Variants in MAP2K3 observed in about 807,000 individuals in gnomAD.
MAP2K3 encodes the protein mitogen-activated protein kinase kinase 3.
In MAP2K3, 30 loss-of-function variants were observed where a neutral mutation model predicts 46.4. That is an observed-to-expected ratio of 0.65 (90% CI 0.48 to 0.88). The LOEUF (loss-of-function observed/expected upper bound fraction) is 0.88. Among genes scored for constraint, MAP2K3 ranks in the 40% least tolerant of loss-of-function variants. The pLI is 0.00. For missense variants in MAP2K3, 380 were observed against 464.5 expected (o/e 0.82, Z 1.67); for synonymous variants, 189 against 176.3 (o/e 1.07, Z -0.57).
chr17:21,302,716 C>CAAAGGAA (rs1239408645), intron 6 of MAP2K3, among the ~76,000 whole-genome samples: 1 of 152,290 alleles, frequency 6.6e-6, no homozygotes, highest in Non-Finnish European at 1.5e-5. Context: ...TTCCAGTAGC[C>CAAAGGAA]AAAGGAAAAA....
chr17:21,311,255 T>A (rs927839721), intron 9 of MAP2K3, among the ~76,000 whole-genome samples: 60 of 152,340 alleles, frequency 3.9e-4, no homozygotes, highest in African/African-American at 1.4e-3. Context: ...GCCCTTGTGC[T>A]GGAGCCTCGG....
rs1439467768 is a variant in MAP2K3 at position 21,291,341 on chromosome 17, T to TACAACACAACACAAC, written c.49+6376_49+6377insCACAACACAACACAA. ...TAGAATACAATAGAATACAGTACAA[T>TACAACACAACACAAC]ACAATACAACACAACACAACACAAC... is the stretch of plus-strand genomic sequence containing the variant. On this transcript the variant is annotated intron_variant, in intron 1 of 11. Transcript: ENST00000342679. 590 of 93,506 alleles carry TACAACACAACACAAC rather than the reference T, an allele frequency of 6.3e-3. 7 individuals are homozygous for TACAACACAACACAAC. The highest frequency in any genetic ancestry group is 0.027 in the African/African-American group (335 of 12,348). The allele number at this position is 93,506 out of a possible 1,614,324, so 5.8% of individuals were successfully genotyped here.
chr17:21,294,522 T>C (rs1218176036), intron 1 of MAP2K3, among the ~76,000 whole-genome samples: 1 of 152,306 alleles, frequency 6.6e-6, no homozygotes. Context: ...GTGGGGGCCC[T>C]GCCCTCAGGC....
intron 10 of MAP2K3, 145 bp from the exon 11 acceptor site, chr17:21,313,347 G>A: frequency 1.5e-6 from 1 of 646,298 alleles, no homozygotes; most frequent in Non-Finnish European, 2.8e-6. Context: ...CCTGGAAGAA[G>A]CCCTAGACAG....
chr17:21,289,438 G>A (rs538568238), intron 1 of MAP2K3, among the ~76,000 whole-genome samples: 24 of 148,078 alleles, frequency 1.6e-4, no homozygotes, highest in Admixed American at 6.8e-4. Flanking sequence ...AGTCAGGGGT[G>A]TTGGGGGGTG....
chr17:21,295,749 A>C (rs1485838176), intron 1 of MAP2K3: 8 of 1,289,182 alleles, frequency 6.2e-6, no homozygotes, highest in Non-Finnish European at 5.1e-6. Flanking sequence ...TCCAGCCCAT[A>C]TGTGCAAGTG....
intron 1 of MAP2K3, among the ~76,000 whole-genome samples, chr17:21,292,853 G>T (rs754105322): frequency 6.6e-6 from 1 of 152,310 alleles, no homozygotes; most frequent in Non-Finnish European, 1.5e-5. Flanking sequence ...TCCCTGGGAG[G>T]CCACTCCTCG....
intron 5 of MAP2K3, among the ~76,000 whole-genome samples, chr17:21,301,391 AC>A (rs1446521744): frequency 6.6e-6 from 1 of 152,308 alleles, no homozygotes. Context: ...AGGTTTGTGG[AC>A]AGGATGGGGT....
rs538032576 is a variant in MAP2K3, at chr17:21,288,954, C to T, written c.49+3985C>T. Among the ~76,000 whole-genome samples, 9 of 152,374 alleles carry T rather than the reference C, an allele frequency of 5.9e-5. No homozygotes were observed. The South Asian group carries it at 1.9e-3, about 32-fold the overall frequency. On this transcript the variant is annotated intron_variant, in intron 1 of 11. Coordinates refer to ENST00000342679, the MANE Select transcript of MAP2K3 (RefSeq NM_145109.3). Reference sequence around the variant, plus strand: ...TCCTCTTCTGTAAAGTGGGAGTAAACATGCTCCCTTGCAGGGTAGTGGTCG... The same window carrying T: ...TCCTCTTCTGTAAAGTGGGAGTAAATATGCTCCCTTGCAGGGTAGTGGTCG...
At position 21,298,474 on chromosome 17, in the gene MAP2K3, C is replaced by T. The variant is rs1162669378; in HGVS notation, c.111C>T (p.Asn37=). The change falls in exon 2 of 12, where the codon AAC becomes AAT. Residue 37 remains asparagine, a synonymous_variant. Transcript: ENST00000342679. ...GCATGTCCAAGCCACCCGCACCCAA[C>T]CCCACGTGAGTCTGCCTCAGTTTCT... is the stretch of plus-strand genomic sequence containing the variant. The part of the protein sequence containing the change: ...ISCMSKPPAP[N]PTPPRNLDSR... 7 of 1,614,192 alleles carry T rather than the reference C, an allele frequency of 4.3e-6. No homozygotes were observed. Among genetic ancestry groups the T allele is most frequent in the Non-Finnish European group, 5.9e-6 (7 of 1,180,058 alleles).
chr17:21,312,017 C>T, intron 9 of MAP2K3, 125 bp from the exon 10 acceptor site: 1 of 893,534 alleles, frequency 1.1e-6, no homozygotes, highest in Non-Finnish European at 1.6e-6. Flanking sequence ...GTAGGGAGAT[C>T]AGCTGTGCAG....
chr17:21,307,684 T>G (rs1976961982), intron 9 of MAP2K3, among the ~76,000 whole-genome samples: 1 of 152,226 alleles, frequency 6.6e-6, no homozygotes, highest in Non-Finnish European at 1.5e-5. Flanking sequence ...TATTTTTAAT[T>G]TTTATTTTTT....
rs1441556373 is a variant in MAP2K3, at chr17:21,314,130, C to G, written c.961-17C>G. 1.5e-5 allele frequency: 24 copies of G among 1,593,778 alleles called. No homozygotes were observed. Among genetic ancestry groups the G allele is most frequent in the Non-Finnish European group, 1.9e-5 (22 of 1,161,724 alleles). On this transcript the variant is annotated splice_polypyrimidine_tract_variant and intron_variant, in intron 11 of 11. Coordinates refer to ENST00000342679, the MANE Select transcript of MAP2K3 (RefSeq NM_145109.3). The stretch of plus-strand genomic sequence containing the variant: ...CCGCTACCCCTCCATGGTGACTGTG[C>G]CTTCTGTCACCCCCAGGAGCACCCC...
chr17:21,294,684 G>A (rs1358617244), intron 1 of MAP2K3, among the ~76,000 whole-genome samples: 1 of 152,308 alleles, frequency 6.6e-6, no homozygotes, highest in Non-Finnish European at 1.5e-5. Context: ...TGGAGTCACT[G>A]AGAGGGTGGA....
At chr17:21,295,898 G>A (rs558318656) in intron 1 of MAP2K3, 38 of 1,272,912 alleles carry the variant, frequency 3.0e-5, no homozygotes, top group Admixed American at 2.3e-4. Context: ...AGGGTGTGGC[G>A]TGGACCCCAC....
At chr17:21,303,472 G>C (rs765780411) in intron 7 of MAP2K3, among the ~76,000 whole-genome samples, 79 of 152,398 alleles carry the variant, frequency 5.2e-4, no homozygotes, top group Non-Finnish European at 9.6e-4. Flanking sequence ...ACTGGGTTCT[G>C]TTCTGATGTA....
intron 1 of MAP2K3, among the ~76,000 whole-genome samples, chr17:21,291,971 C>T (rs1313329066): frequency 1.3e-5 from 2 of 152,312 alleles, no homozygotes; most frequent in South Asian, 4.1e-4. Context: ...TGTGGCTCGC[C>T]CCCAGGCTGG....
intron 1 of MAP2K3, among the ~76,000 whole-genome samples, chr17:21,296,607 G>A (rs1976266562): frequency 2.0e-5 from 3 of 152,312 alleles, no homozygotes; most frequent in South Asian, 4.1e-4. Flanking sequence ...GACTTGCTGT[G>A]CAGCCTGGGG....
intron 1 of MAP2K3, among the ~76,000 whole-genome samples, chr17:21,295,292 T>A (rs190657489): frequency 6.6e-6 from 1 of 152,306 alleles, no homozygotes; most frequent in Non-Finnish European, 1.5e-5. Flanking sequence ...GGTGCCTCTC[T>A]TTACCTGTGG....
Sources: gnomAD v4.1 joint callset for allele counts (sites outside exome capture counted in the v4.1 genomes callset) on GRCh38, gnomAD v4.1.1 for gene constraint, MANE v1.5 for transcripts, NCBI Gene and HGNC (gene_info 2026-07-23, HGNC 2026-07-21) for gene names.